HDAC9: variants seen among roughly 807,000 people sequenced by gnomAD.
HDAC9 encodes the protein MEF-2 interacting transcription repressor (MITR) protein.
In HDAC9, 41 loss-of-function variants were observed where a neutral mutation model predicts 139.4. The ratio of observed to expected loss-of-function variants is 0.29; its 90% CI spans 0.23 to 0.38. The LOEUF is 0.38. HDAC9 is among the 10% of genes least tolerant of loss of function. HDAC9 has a pLI of 1.00. For missense variants in HDAC9, 1,147 were observed against 1,297.0 expected (o/e 0.88, Z 1.78); for synonymous variants, 517 against 476.2 (o/e 1.09, Z -1.12).
At chr7:18,602,851 G>A (rs2128878925) in intron 6 of HDAC9, among the ~76,000 whole-genome samples, 1 of 152,130 alleles carries the variant, frequency 6.6e-6, no homozygotes, top group South Asian at 2.1e-4. Context: ...TAGATTTGTT[G>A]AGGTACATCT....
chr7:18,168,001 G>A (rs1303684397), intron 2 of HDAC9, among the ~76,000 whole-genome samples: 1 of 152,116 alleles, frequency 6.6e-6, no homozygotes, highest in Non-Finnish European at 1.5e-5. Context: ...TAAAATCAGG[G>A]CAGATCAGCT....
chr7:18,901,986 G>T (rs1801768834), intron 22 of HDAC9, among the ~76,000 whole-genome samples: 1 of 152,130 alleles, frequency 6.6e-6, no homozygotes, highest in South Asian at 2.1e-4. Flanking sequence ...AAGTGGCAGA[G>T]GAAAAGTTAC....
At chr7:18,786,033 T>C (rs1198171977) in intron 16 of HDAC9, among the ~76,000 whole-genome samples, 1 of 152,178 alleles carries the variant, frequency 6.6e-6, no homozygotes, top group East Asian at 1.9e-4. Context: ...TAGGGAAGTA[T>C]ATAATAAAAC....
chr7:18,487,147 G>A (rs941258162), intron 1 of HDAC9, among the ~76,000 whole-genome samples: 1 of 151,914 alleles, frequency 6.6e-6, no homozygotes, highest in Non-Finnish European at 1.5e-5. Flanking sequence ...AAAAGAGAGT[G>A]ATGCCTAAAA....
chr7:18,938,334 G>A (rs781230135), intron 23 of HDAC9, among the ~76,000 whole-genome samples: 21 of 151,558 alleles, frequency 1.4e-4, no homozygotes, highest in Admixed American at 1.1e-3. Flanking sequence ...GGTGTCTCAC[G>A]CCTGTAATCG....
Position 18,501,434 on chromosome 7 carries a change from T to G in HDAC9, c.22+5110T>G, listed in dbSNP as rs1280696309. 3.9e-5 allele frequency among the ~76,000 whole-genome samples: 6 copies of G among 152,268 alleles called. No individual in the cohort carries two copies. The South Asian group carries it at 1.2e-3, about 32-fold the overall frequency. On this transcript the variant is annotated intron_variant, in intron 2 of 25. Coordinates refer to ENST00000686413, the MANE Select transcript of HDAC9 (RefSeq NM_178425.4). ...AAAGCACTGATTTTTAAAAATAGTTTATTTAACCTTAAAGAGGTCTTTTTG... is the reference window on the plus strand; with the variant it reads ...AAAGCACTGATTTTTAAAAATAGTTGATTTAACCTTAAAGAGGTCTTTTTG...
chr7:18,840,055 T>C (rs1021620206), intron 21 of HDAC9, among the ~76,000 whole-genome samples: 2 of 152,102 alleles, frequency 1.3e-5, no homozygotes, highest in African/African-American at 4.8e-5. Flanking sequence ...ATGCCTGTTT[T>C]ATTAAATAAA....
chr7:18,483,219 A>C (rs186940472), intron 1 of HDAC9, among the ~76,000 whole-genome samples: 91 of 152,330 alleles, frequency 6.0e-4, no homozygotes, highest in African/African-American at 2.0e-3. Context: ...CAAAGGCTTC[A>C]ATGAGTATTA....
Position 18,385,450 on chromosome 7 carries a change from C to G in HDAC9, c.-42+94935C>G, listed in dbSNP as rs191755084. Among the ~76,000 whole-genome samples the G allele has an allele frequency of 7.0e-3, 1,060 of 152,268 alleles. 8 individuals are homozygous for G. The highest frequency in any genetic ancestry group is 0.01 in the Non-Finnish European group (711 of 68,032). On this transcript the variant is annotated intron_variant, in intron 1 of 3. Coordinates refer to the HDAC9 transcript ENST00000413509. ...TTTTGGTCTGGGATATGTTAACCCA[C>G]TAAAGTAAATCTGAGTGTATTTTGG...
chr7:18,896,345 T>C (rs970275073), intron 22 of HDAC9, among the ~76,000 whole-genome samples: 7 of 152,054 alleles, frequency 4.6e-5, no homozygotes, highest in African/African-American at 1.7e-4. Flanking sequence ...TTTTTCCAAC[T>C]TTACAGTAAC....
At chr7:18,855,006 A>C (rs557751403) in intron 21 of HDAC9, among the ~76,000 whole-genome samples, 6 of 152,308 alleles carry the variant, frequency 3.9e-5, no homozygotes, top group African/African-American at 1.4e-4. Flanking sequence ...CTTTCATAAT[A>C]TAATGGGAAA....
chr7:18,391,324 G>T (rs2128723384), intron 1 of HDAC9, among the ~76,000 whole-genome samples: 1 of 152,140 alleles, frequency 6.6e-6, no homozygotes, highest in South Asian at 2.1e-4. Flanking sequence ...GGCAGAGGCT[G>T]CAGTGAGCCG....
At chr7:18,644,880 C>A (rs969066984) in intron 9 of HDAC9, 87 bp downstream of exon 9, 18 of 1,376,752 alleles carry the variant, frequency 1.3e-5, no homozygotes, top group South Asian at 3.4e-5. Flanking sequence ...TGTATTTAGA[C>A]TTTAGAAAAA....
intron 6 of HDAC9, among the ~76,000 whole-genome samples, chr7:18,614,733 C>T (rs1301526550): frequency 6.6e-6 from 1 of 152,110 alleles, no homozygotes; most frequent in Non-Finnish European, 1.5e-5. Flanking sequence ...ACATTTAAAC[C>T]ATCTGAAATA....
intron 17 of HDAC9, among the ~76,000 whole-genome samples, chr7:18,809,491 A>G (rs73065870): frequency 1.9e-3 from 291 of 152,198 alleles, no homozygotes; most frequent in Non-Finnish European, 3.0e-3. Context: ...ACTCAATGGC[A>G]AAAACAAAAA....
chr7:18,884,596 G>A (rs969264587), intron 22 of HDAC9, among the ~76,000 whole-genome samples: 8 of 152,132 alleles, frequency 5.3e-5, no homozygotes, highest in Admixed American at 3.3e-4. Flanking sequence ...AACATTAATA[G>A]AAGAAAACAT....
chr7:18,966,088 G>A (rs1391964164), intron 24 of HDAC9, among the ~76,000 whole-genome samples: 1 of 152,174 alleles, frequency 6.6e-6, no homozygotes, highest in Admixed American at 6.5e-5. Context: ...CCTGTACTTT[G>A]CTTTAGCTTC....
At chr7:18,714,226 C>T (rs961301448) in intron 12 of HDAC9, among the ~76,000 whole-genome samples, 1 of 152,106 alleles carries the variant, frequency 6.6e-6, no homozygotes, top group Non-Finnish European at 1.5e-5. Flanking sequence ...ATTTAATTTG[C>T]GTAGCAAGGT....
chr7:18,576,905 A>C (rs527241313), intron 2 of HDAC9, among the ~76,000 whole-genome samples: 18 of 152,324 alleles, frequency 1.2e-4, no homozygotes, highest in Admixed American at 1.1e-3. Context: ...TAGAGGAAGC[A>C]AAGCCCTAGG....
Sources: gnomAD v4.1 joint callset for allele counts (sites outside exome capture counted in the v4.1 genomes callset) on GRCh38, gnomAD v4.1.1 for gene constraint, MANE v1.5 for transcripts, NCBI Gene and HGNC (gene_info 2026-07-23, HGNC 2026-07-21) for gene names.